The following BTAF1 variants were observed in gnomAD, a reference collection of about 807,000 sequenced individuals.
BTAF1 encodes the protein B-TFIID TATA-box binding protein associated factor 1.
BTAF1 carries 38 observed loss-of-function variants against 227.1 expected under a neutral mutation model. The observed-to-expected ratio is 0.17, with a 90% CI of 0.13 to 0.22. BTAF1 has a LOEUF of 0.22. Among genes scored for constraint, BTAF1 ranks in the 10% least tolerant of loss-of-function variants. The pLI is 1.00. For synonymous variants in BTAF1, 742 were observed against 751.9 expected (o/e 0.99, Z 0.21); for missense variants, 1,598 against 2,204.0 (o/e 0.73, Z 5.51).
chr10:92,014,082 T>G, intron 32 of BTAF1, 53 bp downstream of exon 32: 1 of 1,552,668 alleles, frequency 6.4e-7, no homozygotes, highest in South Asian at 1.2e-5. Flanking sequence ...AGCAGATTGT[T>G]TTGTATGAGC....
intron 4 of BTAF1, among the ~76,000 whole-genome samples, chr10:91,944,930 C>T (rs1300186888): frequency 6.6e-6 from 1 of 152,202 alleles, no homozygotes; most frequent in African/African-American, 2.4e-5. Context: ...TGAATACTTA[C>T]CATTGCGTTA....
chr10:91,987,719 T>G (rs1589886521), intron 19 of BTAF1, among the ~76,000 whole-genome samples: 2 of 152,274 alleles, frequency 1.3e-5, no homozygotes, highest in Admixed American at 1.3e-4. Context: ...CATTTTTATC[T>G]TTCTTCTTTT....
At chr10:91,991,097 T>A (rs1470081329) in intron 20 of BTAF1, among the ~76,000 whole-genome samples, 1 of 150,110 alleles carries the variant, frequency 6.7e-6, no homozygotes, top group Non-Finnish European at 1.5e-5. Context: ...ATACAAAAAA[T>A]CAGCCGGGCA....
At chr10:91,944,377 G>C (rs1331126864) in intron 4 of BTAF1, among the ~76,000 whole-genome samples, 1 of 152,118 alleles carries the variant, frequency 6.6e-6, no homozygotes, top group Non-Finnish European at 1.5e-5. Flanking sequence ...ATACTGGTCT[G>C]GGTTTCCTTT....
chr10:91,939,955 T>C lies in BTAF1; in HGVS notation c.142T>C (p.Leu48=). 1 of 1,602,194 alleles carries C rather than the reference T, an allele frequency of 6.2e-7. No individual in the cohort carries two copies. The highest frequency in any genetic ancestry group is 8.5e-7 in the Non-Finnish European group (1 of 1,170,454). The part of the protein sequence containing the change: ...HELNNLLSKV[L]IYLRSANWDT... ...CTTTTATTTTATAATTTTTAAGGTG[T>C]TGATATATTTAAGGAGTGCAAATTG... The change falls in exon 3 of 38, where the codon TTG becomes CTG. Residue 48 remains leucine (L), a synonymous_variant. Transcript: ENST00000265990.
rs148856758 is a variant in BTAF1 at position 91,999,915 on chromosome 10, A to G, written c.3660+2164A>G. Among the ~76,000 whole-genome samples, 508 of 152,316 alleles carry G rather than the reference A, an allele frequency of 3.3e-3. 11 individuals carry two copies. The highest frequency in any genetic ancestry group is 0.012 in the African/African-American group (493 of 41,570). On this transcript the variant is annotated intron_variant, in intron 25 of 37. Transcript: ENST00000265990. ...TATAAAGAAAAATAAAGAAATTACCATAAAAGTCAGTGAAATCATTACCTC... is the reference window on the plus strand; with the variant it reads ...TATAAAGAAAAATAAAGAAATTACCGTAAAAGTCAGTGAAATCATTACCTC...
At chr10:91,959,345 A>G (rs1846321335) in intron 9 of BTAF1, 191 bp downstream of exon 9, 2 of 1,229,218 alleles carry the variant, frequency 1.6e-6, no homozygotes, top group Non-Finnish European at 2.1e-6. Flanking sequence ...TTGAGAGGTC[A>G]GTGAGCAACA....
At chr10:91,956,760 C>A in intron 7 of BTAF1, 103 bp downstream of exon 7, 1 of 1,276,988 alleles carries the variant, frequency 7.8e-7, no homozygotes, top group Non-Finnish European at 1.1e-6. Context: ...GAGGTCGAGG[C>A]GGGCGTTATC....
intron 9 of BTAF1, chr10:91,959,409 C>A: frequency 1.7e-6 from 1 of 577,204 alleles, no homozygotes; most frequent in Non-Finnish European, 2.5e-6. Flanking sequence ...GATATATGAC[C>A]GGTGTGCTTG....
chr10:91,994,746 A>T, intron 23 of BTAF1, 102 bp downstream of exon 23: 1 of 954,686 alleles, frequency 1.0e-6, no homozygotes, highest in South Asian at 1.6e-5. Context: ...CATCCTTATT[A>T]ATTGCATTTT....
At chr10:91,997,033 A>G (rs915093547) in intron 24 of BTAF1, 3 of 1,064,972 alleles carry the variant, frequency 2.8e-6, no homozygotes, top group East Asian at 1.2e-4. Context: ...GCCCTTTGCT[A>G]AGGGTATGGC....
chr10:91,963,442 T>G (rs1453308158), intron 12 of BTAF1, among the ~76,000 whole-genome samples: 1 of 152,014 alleles, frequency 6.6e-6, no homozygotes, highest in Non-Finnish European at 1.5e-5. Flanking sequence ...AAAAATTATT[T>G]TTTGTAGTGA....
intron 1 of BTAF1, 151 bp downstream of exon 1, chr10:91,924,241 G>C: frequency 2.7e-6 from 3 of 1,102,796 alleles, no homozygotes; most frequent in Middle Eastern, 2.1e-4. Context: ...CCCGTGGTCG[G>C]CGGGGGTTTG....
At chr10:91,956,850 C>A (rs1188974716) in intron 7 of BTAF1, among the ~76,000 whole-genome samples, 193 bp downstream of exon 7, 1 of 152,008 alleles carries the variant, frequency 6.6e-6, no homozygotes, top group South Asian at 2.1e-4. Context: ...ATTAGCCAGA[C>A]GTGGTGGCAC....
rs12251361 is a variant in BTAF1 at position 91,950,149 on chromosome 10, G to T, written c.401-1254G>T. 2.5e-3 allele frequency among the ~76,000 whole-genome samples: 98 copies of T among 39,640 alleles called. 3 individuals carry two copies. The highest frequency in any genetic ancestry group is 0.019 in the South Asian group (6 of 322). The allele number at this position is 39,640 out of a possible 152,430, so 26.0% of individuals were successfully genotyped here. ...CAGAGTGAGAGACCTTGTCCTTTGT[G>T]GGGGGGGGCGGGAAAGAAGACTAGG... is the stretch of plus-strand genomic sequence containing the variant. On this transcript the variant is annotated intron_variant, in intron 4 of 37. Transcript: ENST00000265990.
chr10:91,923,801 G>A lies in BTAF1; in HGVS notation c.-276G>A. ...GCGTGCCGACGCCCGCGTCAGCAAAGAGCGGAGCTGAGGGTACCCGGTTTG... is the reference window on the plus strand; with the variant it reads ...GCGTGCCGACGCCCGCGTCAGCAAAAAGCGGAGCTGAGGGTACCCGGTTTG... On this transcript the variant is annotated 5_prime_UTR_variant, in exon 1 of 38. Coordinates refer to ENST00000265990, the MANE Select transcript of BTAF1 (RefSeq NM_003972.3). The A allele has an allele frequency of 2.5e-6, 1 of 404,658 alleles. No individual in the cohort carries two copies. The highest frequency in any genetic ancestry group is 4.4e-6 in the Non-Finnish European group (1 of 227,454). The allele number at this position is 404,658 out of a possible 1,614,324, so 25.1% of individuals were successfully genotyped here. A position where few individuals can be genotyped will look rare whatever the true frequency, so the allele number is the denominator to read the frequency against.
At chr10:91,996,111 T>C (rs1306647741) in intron 23 of BTAF1, among the ~76,000 whole-genome samples, 3 of 152,232 alleles carry the variant, frequency 2.0e-5, no homozygotes, top group Non-Finnish European at 4.4e-5. Context: ...AGTGTTCCTA[T>C]ATGCCTAAGA....
At chr10:91,959,578 G>A (rs549953941) in intron 9 of BTAF1, among the ~76,000 whole-genome samples, 1 of 151,810 alleles carries the variant, frequency 6.6e-6, no homozygotes, top group African/African-American at 2.4e-5. Context: ...GACATTAATT[G>A]GGACTATTCT....
Position 92,009,177 on chromosome 10 carries a change from C to G in BTAF1, c.4072C>G (p.His1358Asp). The G allele has an allele frequency of 6.2e-7, 1 of 1,614,032 alleles. No homozygotes were observed. The highest frequency in any genetic ancestry group is 8.5e-7 in the Non-Finnish European group (1 of 1,179,954). ...FCSREYLNPL[H>D]YTGPPTERIR... is the part of the protein sequence containing the mutation. ...CTCTAGAGAATATCTCAACCCGTTGCATTACACTGGACCTCCCACTGAAAG... is the reference window on the plus strand; with the variant it reads ...CTCTAGAGAATATCTCAACCCGTTGGATTACACTGGACCTCCCACTGAAAG... The change falls in exon 28 of 38, where the codon CAT becomes GAT. Residue 1358 changes from histidine (H) to aspartate (D), a missense_variant. His to Asp is a moderately conservative substitution (Grantham distance 81). Transcript: ENST00000265990.
Sources: allele counts gnomAD v4.1 joint callset (sites outside exome capture counted in the v4.1 genomes callset), GRCh38; gene constraint gnomAD v4.1.1; transcripts MANE v1.5; gene names NCBI Gene and HGNC (gene_info 2026-07-23, HGNC 2026-07-21).